The following LRRC53 variants were observed in gnomAD, a reference collection of about 807,000 sequenced individuals.
LRRC53 encodes the protein leucine-rich repeat-containing protein 53.
In LRRC53, 25 loss-of-function variants were observed where a neutral mutation model predicts 13.6. That is an observed-to-expected ratio of 1.83 (90% confidence interval 1.34 to 2.56). The LOEUF is 2.56. LRRC53 is among the 30% of genes most tolerant of loss of function. The pLI is 0.00. For missense variants in LRRC53, 527 were observed against 275.8 expected, an observed-to-expected ratio of 1.91 and a Z score of -6.45; for synonymous variants, 204 against 109.8, an observed-to-expected ratio of 1.86 and a Z score of -5.37.
chr1:74,474,793 T>A (rs1668108741), intron 4 of LRRC53, among the ~76,000 whole-genome samples: 2 of 152,058 alleles, frequency 1.3e-5, no homozygotes, highest in Non-Finnish European at 2.9e-5. Flanking sequence ...TGGGAAGTTA[T>A]CATCCCTGAC....
At chr1:74,523,318 T>C in the LRRC53 span, among the ~76,000 whole-genome samples, 4 of 152,264 alleles carry the variant, frequency 2.6e-5, no homozygotes, top group Admixed American at 2.6e-4. Context: ...TAAAGACATG[T>C]ATCATCAAAT....
chr1:74,525,503 G>A, the LRRC53 span, among the ~76,000 whole-genome samples: 1 of 152,160 alleles, frequency 6.6e-6, no homozygotes, highest in South Asian at 2.1e-4. Context: ...CATTGAATCT[G>A]AGAGATGAGG....
At chr1:74,513,819 T>G (rs536678693), upstream of LRRC53, among the ~76,000 whole-genome samples, 1 of 152,300 alleles carries the variant, frequency 6.6e-6, no homozygotes, top group African/African-American at 2.4e-5. Flanking sequence ...TGTCAAAGTT[T>G]CACAAAAAGG....
At chr1:74,514,014 C>G (rs1383090503), upstream of LRRC53, among the ~76,000 whole-genome samples, 1 of 152,162 alleles carries the variant, frequency 6.6e-6, no homozygotes. Context: ...GCCTCTCTCT[C>G]CCTTGAAAAG....
chr1:74,479,478 A>G (rs932945524), intron 3 of LRRC53, among the ~76,000 whole-genome samples: 10 of 152,228 alleles, frequency 6.6e-5, no homozygotes, highest in African/African-American at 2.4e-4. Flanking sequence ...GAAGAATTCA[A>G]AACCACCCAA....
At position 74,470,496 on chromosome 1, in the gene LRRC53, A is replaced by G. The variant is rs1667873691; in HGVS notation, c.3126T>C (p.Pro1042=). The G allele has an allele frequency of 2.5e-6, 1 of 399,394 alleles. No individual in the cohort carries two copies. Among genetic ancestry groups the G allele is most frequent in the African/African-American group, 2.1e-5 (1 of 47,616 alleles). 24.7% of individuals were successfully genotyped at this position (399,394 alleles called of 1,614,324 possible). ...GGTGCCAAACGGCTTGACTACTAAC[A>G]GGAGAAGTACTGATATCCTTGGGAA... ...IELPKDISTS[P]VSSQAVWHLT... Residue 1042 remains proline (P), a synonymous_variant, in exon 5 of 5, where the codon CCT becomes CCC. Transcript: ENST00000294635.
intron 1 of LRRC53, among the ~76,000 whole-genome samples, chr1:74,498,909 G>A (rs898159604): frequency 6.6e-6 from 1 of 152,066 alleles, no homozygotes; most frequent in Non-Finnish European, 1.5e-5. Context: ...TCCTTCAAAG[G>A]TAGATTTCAT....
At chr1:74,510,024 C>T (rs536437177) in intron 1 of LRRC53, among the ~76,000 whole-genome samples, 25 of 152,100 alleles carry the variant, frequency 1.6e-4, no homozygotes, top group African/African-American at 5.1e-4. Flanking sequence ...TGAGCCTATG[C>T]GCCCAGCTTG....
rs185099219 is a variant in LRRC53, at chr1:74,498,740, T to C, written c.-27+13786A>G. On this transcript the variant is annotated intron_variant, in intron 1 of 4. Coordinates refer to ENST00000294635, the MANE Select transcript of LRRC53 (RefSeq NM_001382280.1). ...CTTTTCCAGTCTTCCCCCCGACTAT[T>C]AGCACACTAAATGTCAATATATTTC... Among the ~76,000 whole-genome samples, 17 of 152,240 alleles carry C rather than the reference T, an allele frequency of 1.1e-4. No individual in the cohort carries two copies. The East Asian group carries it at 3.1e-3, about 28-fold the overall frequency.
rs1215146003 is a variant in LRRC53, at chr1:74,469,784, T to C, written c.*94A>G. On this transcript the variant is annotated 3_prime_UTR_variant, in exon 5 of 5. Coordinates refer to ENST00000294635, the MANE Select transcript of LRRC53 (RefSeq NM_001382280.1). ...AGGACGTTGTTGTCCTCCAAAATGA[T>C]CCACTTCTAATGCATGCAAAGGCTA... 1 of 398,008 alleles carries C rather than the reference T, an allele frequency of 2.5e-6. No homozygotes were observed. The allele number at this position is 398,008 out of a possible 1,614,324, so 24.7% of individuals were successfully genotyped here.
the LRRC53 span, among the ~76,000 whole-genome samples, chr1:74,529,351 A>T: frequency 6.6e-6 from 1 of 152,176 alleles, no homozygotes; most frequent in Non-Finnish European, 1.5e-5. Context: ...GAATCTAATC[A>T]TTAGGAAACC....
At chr1:74,526,582 G>A in the LRRC53 span, among the ~76,000 whole-genome samples, 7 of 152,264 alleles carry the variant, frequency 4.6e-5, no homozygotes, top group East Asian at 3.9e-4. Flanking sequence ...TGAAGGTGAC[G>A]TGAGAATGCA....
chr1:74,492,307 T>A, intron 1 of LRRC53: 2 of 1,444,192 alleles, frequency 1.4e-6, no homozygotes, highest in Non-Finnish European at 1.9e-6. Context: ...AAAGTCTTAT[T>A]TCAGAATCTT....
intron 1 of LRRC53, among the ~76,000 whole-genome samples, chr1:74,494,717 C>G (rs919881581): frequency 2.0e-5 from 3 of 152,196 alleles, no homozygotes; most frequent in Admixed American, 6.5e-5. Context: ...TTGGCTTTGC[C>G]ATGTACTAGC....
chr1:74,470,427 CA>C lies in LRRC53; in HGVS notation c.3194del (p.Leu1065CysfsTer10). The C allele has an allele frequency of 2.5e-6, 1 of 400,654 alleles. No homozygotes were observed. Among genetic ancestry groups the C allele is most frequent in the Non-Finnish European group, 4.4e-6 (1 of 226,192 alleles). 24.8% of individuals were successfully genotyped at this position (400,654 alleles called of 1,614,324 possible). The part of the protein sequence containing the change: ...SEKGIDSTNA[L>X]PRNDGTEALE... ...GTGCTTCAGTGCCGTCATTTCTGGG[CA>C]ATGCATTTGTGCTGTCAATTCCTTT... On this transcript the variant is annotated frameshift_variant, in exon 5 of 5. Transcript: ENST00000294635. LOFTEE classifies it low-confidence loss of function (END_TRUNC).
chr1:74,489,562 A>T (rs551102059), intron 1 of LRRC53, among the ~76,000 whole-genome samples: 2 of 152,358 alleles, frequency 1.3e-5, no homozygotes, highest in South Asian at 4.1e-4. Flanking sequence ...GTAATTATTT[A>T]ATCAATTTTT....
chr1:74,499,663 A>G (rs745830209), intron 1 of LRRC53, among the ~76,000 whole-genome samples: 1 of 152,088 alleles, frequency 6.6e-6, no homozygotes, highest in African/African-American at 2.4e-5. Flanking sequence ...TACAATTTTT[A>G]TACTCAGCTT....
intron 4 of LRRC53, among the ~76,000 whole-genome samples, chr1:74,473,459 A>C (rs1421467072): frequency 6.6e-6 from 1 of 152,144 alleles, no homozygotes; most frequent in Admixed American, 6.6e-5. Flanking sequence ...TTCCATGAGA[A>C]AAAAGGAAAT....
chr1:74,530,250 AG>A, the LRRC53 span, among the ~76,000 whole-genome samples: 1 of 152,202 alleles, frequency 6.6e-6, no homozygotes, highest in East Asian at 1.9e-4. Flanking sequence ...CCATGGAAAA[AG>A]GAAGAGAGAT....
Sources: gnomAD v4.1 joint callset for allele counts (sites outside exome capture counted in the v4.1 genomes callset) on GRCh38, gnomAD v4.1.1 for gene constraint, MANE v1.5 for transcripts, NCBI Gene and HGNC (gene_info 2026-07-23, HGNC 2026-07-21) for gene names.